The following HP1BP3 variants were observed in gnomAD, a reference collection of about 807,000 sequenced individuals.
HP1BP3 encodes the protein heterochromatin protein 1 binding protein 3, also known as heterochromatin protein 1-binding protein 3.
Under a neutral mutation model 62.5 loss-of-function variants are expected in HP1BP3, and 12 were observed. The observed-to-expected ratio is 0.19, with a 90% confidence interval of 0.12 to 0.31. The LOEUF (loss-of-function observed/expected upper bound fraction) is 0.31. Among genes scored for constraint, HP1BP3 ranks in the 10% least tolerant of loss-of-function variants. HP1BP3 has a pLI of 1.00. For missense variants in HP1BP3, 502 were observed against 651.8 expected (o/e 0.77, Z 2.50); for synonymous variants, 260 against 237.8 (o/e 1.09, Z -0.86).
rs1415496532 is a variant in HP1BP3 at position 20,742,232 on chromosome 1, G to C, written c.*2565C>G. 6.6e-6 allele frequency among the ~76,000 whole-genome samples: 1 copy of C among 152,142 alleles called. No individual in the cohort carries two copies. The highest frequency in any genetic ancestry group is 6.5e-5 in the Admixed American group (1 of 15,268). ...ATTCCAGAAGAGTACAGAATTCTGA[G>C]CACAGGTACCTAACATCCATACTAT... On this transcript the variant is annotated 3_prime_UTR_variant, in exon 13 of 13. Transcript: ENST00000438032.
intron 10 of HP1BP3, 89 bp downstream of exon 10, chr1:20,749,634 C>G: frequency 7.8e-7 from 1 of 1,282,998 alleles, no homozygotes; most frequent in Non-Finnish European, 1.1e-6. Context: ...GCTGGGATTA[C>G]AGGCGTGAGC....
intron 1 of HP1BP3, chr1:20,786,229 G>C (rs975360500): frequency 2.0e-5 from 3 of 152,330 alleles, no homozygotes; most frequent in African/African-American, 7.2e-5. Context: ...TCAGATGGGC[G>C]ACTGTAACTT....
intron 8 of HP1BP3, among the ~76,000 whole-genome samples, chr1:20,761,310 G>C (rs1177776343): frequency 6.6e-6 from 1 of 152,024 alleles, no homozygotes; most frequent in African/African-American, 2.4e-5. Flanking sequence ...CAAAGTGCTG[G>C]GATTACAGGC....
chr1:20,778,380 T>C (rs1005712753), intron 3 of HP1BP3, among the ~76,000 whole-genome samples: 5 of 152,236 alleles, frequency 3.3e-5, no homozygotes, highest in African/African-American at 1.2e-4. Flanking sequence ...AGAGAGAAGA[T>C]TAAACAAACA....
chr1:20,752,363 C>T (rs1570567572), intron 9 of HP1BP3, among the ~76,000 whole-genome samples: 1 of 151,376 alleles, frequency 6.6e-6, no homozygotes, highest in South Asian at 2.1e-4. Context: ...GGCGCGGTCT[C>T]GGCTCACTGC....
intron 10 of HP1BP3, among the ~76,000 whole-genome samples, chr1:20,748,606 AAAAATTAGCCAGG>A (rs1557636510): frequency 6.6e-6 from 1 of 152,094 alleles, no homozygotes. Flanking sequence ...ACAAAAACAA[AAAAATTAGCCAGG>A]GGTGGTGGCA....
intron 9 of HP1BP3, among the ~76,000 whole-genome samples, chr1:20,754,213 A>G (rs1292382515): frequency 6.6e-6 from 1 of 152,250 alleles, no homozygotes; most frequent in East Asian, 1.9e-4. Context: ...GTTAGCGTTA[A>G]CAACCTGAAA....
chr1:20,767,708 C>A, intron 6 of HP1BP3, 44 bp from the exon 7 acceptor site: 1 of 1,279,644 alleles, frequency 7.8e-7, no homozygotes, highest in South Asian at 1.3e-5. Flanking sequence ...CATAACTTTA[C>A]AGTAGGCTAA....
At position 20,777,809 on chromosome 1, in the gene HP1BP3, T is replaced by C. The variant is rs138085682; in HGVS notation, c.197-1059A>G. ...CTTTCTTAAAACCAAATCACATAAG[T>C]ACAATTCTAACACTTATACTAAGCG... On this transcript the variant is annotated intron_variant, in intron 3 of 12. Transcript: ENST00000438032. 2.8e-4 allele frequency among the ~76,000 whole-genome samples: 42 copies of C among 152,336 alleles called. 1 individual carries two copies. In the East Asian group the frequency reaches 6.9e-3, roughly 25 times the overall value.
intron 7 of HP1BP3, among the ~76,000 whole-genome samples, chr1:20,766,651 T>C (rs946853485): frequency 1.3e-5 from 2 of 152,180 alleles, no homozygotes; most frequent in Non-Finnish European, 2.9e-5. Context: ...AAAAATGTAC[T>C]TTTAGGCTGG....
chr1:20,755,042 T>C (rs995844873), intron 9 of HP1BP3, among the ~76,000 whole-genome samples: 4 of 152,194 alleles, frequency 2.6e-5, no homozygotes, highest in Admixed American at 1.3e-4. Context: ...TGAGACTTTA[T>C]GTCTAGAGTA....
chr1:20,758,072 G>T (rs191170647), intron 8 of HP1BP3, among the ~76,000 whole-genome samples: 1 of 152,158 alleles, frequency 6.6e-6, no homozygotes, highest in Admixed American at 6.5e-5. Flanking sequence ...TTTGAACCCG[G>T]GAGGCGGAGG....
chr1:20,782,998 G>A (rs1471697640), intron 1 of HP1BP3, among the ~76,000 whole-genome samples: 2 of 146,654 alleles, frequency 1.4e-5, no homozygotes, highest in Non-Finnish European at 3.0e-5. Flanking sequence ...CGTAGTCCCA[G>A]CTACTTGGAA....
At chr1:20,755,309 T>A in intron 9 of HP1BP3, 1 of 444,596 alleles carries the variant, frequency 2.2e-6, no homozygotes, top group Non-Finnish European at 4.6e-6. Flanking sequence ...GGATCACACC[T>A]GTAATTCCAA....
rs190149974 is a variant in HP1BP3 at position 20,776,589 on chromosome 1, C to T, written c.350+8G>A. The T allele has an allele frequency of 2.0e-4, 315 of 1,603,730 alleles. 1 individual carries two copies. The African/African-American group carries it at 3.5e-3, about 18-fold the overall frequency. Reference sequence around the variant, plus strand: ...AAATATAAATAGCAAGAAGACATAACTCCTTACTCCTTTTTGGTTTCCTCA... The same window carrying T: ...AAATATAAATAGCAAGAAGACATAATTCCTTACTCCTTTTTGGTTTCCTCA... On this transcript the variant is annotated splice_region_variant and intron_variant, in intron 4 of 12. Transcript: ENST00000438032.
intron 3 of HP1BP3, among the ~76,000 whole-genome samples, chr1:20,778,596 C>T (rs1224493858): frequency 1.3e-5 from 2 of 152,298 alleles, no homozygotes; most frequent in South Asian, 2.1e-4. Flanking sequence ...AACTTACCAG[C>T]ACCCGTTTAC....
rs949363705 is a variant in HP1BP3 at position 20,741,809 on chromosome 1, T to C, written c.*2988A>G. Among the ~76,000 whole-genome samples, 2 of 152,246 alleles carry C rather than the reference T, an allele frequency of 1.3e-5. No individual in the cohort carries two copies. Among genetic ancestry groups the C allele is most frequent in the Admixed American group, 6.5e-5 (1 of 15,288 alleles). On this transcript the variant is annotated 3_prime_UTR_variant, in exon 13 of 13. Coordinates refer to ENST00000438032, the MANE Select transcript of HP1BP3 (RefSeq NM_001372052.1). ...ACAGAGTACTGAAGCTATTGATCCA[T>C]GCTAGAGATTTCTGGGATTACCTCT...
chr1:20,740,330 G>A lies in HP1BP3; in HGVS notation c.*4467C>T, dbSNP rs183275397. On this transcript the variant is annotated 3_prime_UTR_variant, in exon 13 of 13. Coordinates refer to ENST00000438032, the MANE Select transcript of HP1BP3 (RefSeq NM_001372052.1). ...TAATTATACATTATATACAATATCA[G>A]GAAAAAAAAGAGTTGTAATTTTTGA... Among the ~76,000 whole-genome samples, 235 of 151,742 alleles carry A rather than the reference G, an allele frequency of 1.5e-3. 1 individual carries two copies. Among genetic ancestry groups the A allele is most frequent in the African/African-American group, 5.3e-3 (218 of 41,120 alleles).
intron 8 of HP1BP3, among the ~76,000 whole-genome samples, chr1:20,758,387 C>G (rs1436085093): frequency 1.3e-5 from 2 of 152,012 alleles, no homozygotes; most frequent in African/African-American, 4.8e-5. Context: ...CCTCTGTCAC[C>G]CAGGCTGGAG....
Sources: gnomAD v4.1 joint callset for allele counts (sites outside exome capture counted in the v4.1 genomes callset) on GRCh38, gnomAD v4.1.1 for gene constraint, MANE v1.5 for transcripts, NCBI Gene and HGNC (gene_info 2026-07-23, HGNC 2026-07-21) for gene names.